ATP11B: variants seen among roughly 807,000 people sequenced by gnomAD.
ATP11B encodes the protein phospholipid-transporting ATPase IF.
Under a neutral mutation model 157.8 loss-of-function variants are expected in ATP11B, and 81 were observed. That is an observed-to-expected ratio of 0.51 (90% CI 0.43 to 0.62). ATP11B has a LOEUF of 0.62. ATP11B is among the 20% of genes least tolerant of loss of function. ATP11B has a pLI of 0.00. For synonymous variants in ATP11B, 451 were observed against 469.4 expected (o/e 0.96, Z 0.51); for missense variants, 1,165 against 1,402.2 (o/e 0.83, Z 2.70).
chr3:182,912,921 AC>A (rs1724894121), intron 28 of ATP11B, among the ~76,000 whole-genome samples: 1 of 152,164 alleles, frequency 6.6e-6, no homozygotes. Flanking sequence ...TTTTAAAACA[AC>A]AGCCCTTGAA....
intron 1 of ATP11B, among the ~76,000 whole-genome samples, chr3:182,797,073 T>G (rs1287453560): frequency 6.6e-6 from 1 of 152,234 alleles, no homozygotes; most frequent in Admixed American, 6.5e-5. Context: ...ATACTGGTAC[T>G]TAATTCTTCC....
At chr3:182,898,492 G>A in intron 27 of ATP11B, 115 bp from the exon 28 acceptor site, 1 of 699,626 alleles carries the variant, frequency 1.4e-6, no homozygotes, top group Non-Finnish European at 2.2e-6. Flanking sequence ...ACTGATTTCA[G>A]TTTTGAACAT....
rs773780610 is a variant in ATP11B, at chr3:182,889,511, T to C, written c.2945T>C (p.Leu982Pro). ...AFIFFFGSYLLIGKDTSLLGN... is the reference protein window; with the variant it reads ...AFIFFFGSYLPIGKDTSLLGN... ...ATTTTCTTTTTTGGATCCTATTTAC[T>C]AATAGGGAAAGATACATCTCTGCTT... The change falls in exon 25 of 30, where the codon CTA becomes CCA. Residue 982 changes from leucine to proline, a missense_variant. By Grantham distance (98) the Leu-to-Pro change is moderately conservative. Transcript: ENST00000323116. 9.6e-6 allele frequency: 15 copies of C among 1,567,742 alleles called. No homozygotes were observed. The highest frequency in any genetic ancestry group is 1.3e-5 in the Non-Finnish European group (15 of 1,163,608).
Position 182,793,767 on chromosome 3 carries a change from G to A in ATP11B, c.8G>A (p.Arg3His). Residue 3 changes from arginine to histidine, a missense_variant, in exon 1 of 30, where the codon CGC becomes CAC. By Grantham distance (29) the Arg-to-His change is conservative. Coordinates refer to ENST00000323116, the MANE Select transcript of ATP11B (RefSeq NM_014616.3). Reference sequence around the variant, plus strand: ...GACGGCGACGACGGGGGAATGTGGCGCTGGATCCGGCAGCAGCTGGTAGGT... The same window carrying A: ...GACGGCGACGACGGGGGAATGTGGCACTGGATCCGGCAGCAGCTGGTAGGT... MW[R>H]WIRQQLGFDP... 1 of 1,406,540 alleles carries A rather than the reference G, an allele frequency of 7.1e-7. No individual in the cohort carries two copies. The highest frequency in any genetic ancestry group is 1.5e-5 in the African/African-American group (1 of 67,236). The allele number at this position is 1,406,540 out of a possible 1,614,324, so 87.1% of individuals were successfully genotyped here. A position where few individuals can be genotyped will look rare whatever the true frequency, so the allele number is the denominator to read the frequency against.
chr3:182,827,511 A>G (rs906167804), intron 2 of ATP11B, among the ~76,000 whole-genome samples: 9 of 152,024 alleles, frequency 5.9e-5, no homozygotes, highest in Admixed American at 1.3e-4. Context: ...CCAAGCATCT[A>G]TGCTTTTAAC....
At chr3:182,821,990 G>A (rs921620195) in intron 2 of ATP11B, among the ~76,000 whole-genome samples, 1 of 152,018 alleles carries the variant, frequency 6.6e-6, no homozygotes, top group Non-Finnish European at 1.5e-5. Flanking sequence ...CATTCTTTAT[G>A]TGTATAACAT....
At chr3:182,812,460 A>G (rs1384834364) in intron 1 of ATP11B, among the ~76,000 whole-genome samples, 2 of 152,218 alleles carry the variant, frequency 1.3e-5, no homozygotes, top group African/African-American at 4.8e-5. Flanking sequence ...AAAGAACTCA[A>G]ATTTAGTGTC....
intron 27 of ATP11B, among the ~76,000 whole-genome samples, chr3:182,898,181 C>T (rs1438976337): frequency 6.6e-6 from 1 of 152,066 alleles, no homozygotes; most frequent in Non-Finnish European, 1.5e-5. Flanking sequence ...ACACTTACTA[C>T]TATGTAAAAC....
intron 12 of ATP11B, 103 bp from the exon 13 acceptor site, chr3:182,865,353 A>T: frequency 9.3e-7 from 1 of 1,077,302 alleles, no homozygotes; most frequent in Non-Finnish European, 1.3e-6. Flanking sequence ...CAATATTAAT[A>T]GATAAACTGG....
intron 15 of ATP11B, 134 bp downstream of exon 15, chr3:182,867,578 A>ATTT: frequency 3.4e-5 from 8 of 232,980 alleles, no homozygotes; most frequent in South Asian, 2.2e-4. Flanking sequence ...AAGTCACATT[A>ATTT]CTTTTTTTTT....
At chr3:182,854,848 G>T (rs933656598) in intron 10 of ATP11B, among the ~76,000 whole-genome samples, 1 of 150,892 alleles carries the variant, frequency 6.6e-6, no homozygotes, top group African/African-American at 2.4e-5. Flanking sequence ...AAAAAAATGG[G>T]CAAAAGGTGG....
At chr3:182,829,272 C>T (rs1299661665) in intron 3 of ATP11B, among the ~76,000 whole-genome samples, 2 of 152,158 alleles carry the variant, frequency 1.3e-5, no homozygotes, top group Non-Finnish European at 2.9e-5. Flanking sequence ...AACAAAATCA[C>T]TTATAGAAAA....
At chr3:182,870,128 T>C (rs1336978482) in intron 17 of ATP11B, among the ~76,000 whole-genome samples, 3 of 152,128 alleles carry the variant, frequency 2.0e-5, no homozygotes, top group African/African-American at 7.2e-5. Flanking sequence ...GTGGGAGCAA[T>C]GAGATATTGT....
intron 2 of ATP11B, among the ~76,000 whole-genome samples, chr3:182,826,866 T>C (rs1279428833): frequency 2.0e-5 from 3 of 152,040 alleles, no homozygotes; most frequent in African/African-American, 7.2e-5. Flanking sequence ...CTTTTGACAA[T>C]GAAAATCCAA....
At chr3:182,843,430 A>G (rs1323938420) in intron 8 of ATP11B, 1 of 152,202 alleles carries the variant, frequency 6.6e-6, no homozygotes, top group African/African-American at 2.4e-5. Context: ...GAATATGAAA[A>G]ATGTTTTATA....
chr3:182,909,204 G>T (rs1724592814), intron 28 of ATP11B, among the ~76,000 whole-genome samples: 1 of 152,164 alleles, frequency 6.6e-6, no homozygotes, highest in Non-Finnish European at 1.5e-5. Context: ...TCATTGACAT[G>T]AAAATAATGG....
chr3:182,811,381 A>G (rs769327123), intron 1 of ATP11B, among the ~76,000 whole-genome samples: 14 of 152,212 alleles, frequency 9.2e-5, no homozygotes, highest in East Asian at 1.9e-4. Context: ...TGTGATGCTC[A>G]TAGGACAGTT....
At chr3:182,865,810 T>C in intron 13 of ATP11B, 112 bp downstream of exon 13, 1 of 773,696 alleles carries the variant, frequency 1.3e-6, no homozygotes, top group Non-Finnish European at 2.0e-6. Context: ...AATATACATT[T>C]GAAATTCATA....
chr3:182,906,251 T>C (rs1322955961), intron 28 of ATP11B, among the ~76,000 whole-genome samples: 1 of 152,232 alleles, frequency 6.6e-6, no homozygotes, highest in African/African-American at 2.4e-5. Context: ...TGTCATGCTA[T>C]TTCTGTTATC....
Sources: allele counts gnomAD v4.1 joint callset (sites outside exome capture counted in the v4.1 genomes callset), GRCh38; gene constraint gnomAD v4.1.1; transcripts MANE v1.5; gene names NCBI Gene and HGNC (gene_info 2026-07-23, HGNC 2026-07-21).